Variants in SLC45A4 observed in about 807,000 individuals in gnomAD.
The protein encoded by SLC45A4 is polyamine-transporter SLC45A4.
SLC45A4 carries 32 observed loss-of-function variants against 63.7 expected under a neutral mutation model. That is an observed-to-expected ratio of 0.50 (90% confidence interval 0.38 to 0.67). SLC45A4 has a LOEUF of 0.67. SLC45A4 is among the 30% of genes least tolerant of loss of function. The pLI is 0.00. For synonymous variants in SLC45A4, 535 were observed against 510.0 expected, an observed-to-expected ratio of 1.05 and a Z score of -0.66; for missense variants, 1,027 against 1,157.7, an observed-to-expected ratio of 0.89 and a Z score of 1.64.
intron 2 of SLC45A4, among the ~76,000 whole-genome samples, chr8:141,232,684 C>T (rs1256042369): frequency 1.3e-5 from 2 of 149,968 alleles, no homozygotes; most frequent in African/African-American, 4.9e-5. Flanking sequence ...CCCAGGTGAG[C>T]GCTCACCAGC....
In SLC45A4 at chr8:141,208,755, G is replaced by C. The variant is rs557877087; in HGVS notation, c.*2817C>G. ...AAGGGGACACAGGCAGGCCGGCCCA[G>C]CTGAGAGCTCACGGCCTCTGCCCCT... On this transcript the variant is annotated 3_prime_UTR_variant, in exon 9 of 9. Coordinates refer to ENST00000517878, the MANE Select transcript of SLC45A4 (RefSeq NM_001286646.2). 1 of 152,374 alleles carries C rather than the reference G, an allele frequency of 6.6e-6. No homozygotes were observed. Among genetic ancestry groups the C allele is most frequent in the East Asian group, 1.9e-4 (1 of 5,176 alleles). The allele number at this position is 152,374 out of a possible 1,614,324, so 9.4% of individuals were successfully genotyped here.
chr8:141,253,932 C>G, intron 2 of SLC45A4, 57 bp downstream of exon 2: 1 of 1,525,082 alleles, frequency 6.6e-7, no homozygotes, highest in Admixed American at 2.0e-5. Context: ...AGAGCCACGC[C>G]CAGTCCGCTA....
At chr8:141,241,277 G>T (rs188025165) in intron 2 of SLC45A4, among the ~76,000 whole-genome samples, 4 of 152,262 alleles carry the variant, frequency 2.6e-5, no homozygotes, top group African/African-American at 9.6e-5. Context: ...CACCGGCAAC[G>T]TGGTGGACAC....
chr8:141,245,609 C>G (rs573282529), intron 2 of SLC45A4, among the ~76,000 whole-genome samples: 55 of 152,254 alleles, frequency 3.6e-4, no homozygotes, highest in Non-Finnish European at 6.3e-4. Flanking sequence ...ACACCAAAGT[C>G]ACCTGATGGC....
chr8:141,261,819 A>C (rs1454725308), intron 1 of SLC45A4, among the ~76,000 whole-genome samples: 1 of 152,256 alleles, frequency 6.6e-6, no homozygotes. Context: ...TATAGATTCA[A>C]TGCCATCCCC....
intron 1 of SLC45A4, among the ~76,000 whole-genome samples, chr8:141,282,442 A>C (rs1829988891): frequency 6.6e-6 from 1 of 152,064 alleles, no homozygotes; most frequent in African/African-American, 2.4e-5. Flanking sequence ...CCTCCACCAA[A>C]CTGCACTTCT....
At position 141,218,674 on chromosome 8, in the gene SLC45A4, G is replaced by C. The variant is rs144027256; in HGVS notation, c.966C>G (p.Pro322=). The C allele has an allele frequency of 6.2e-7, 1 of 1,613,054 alleles. No homozygotes were observed. Among genetic ancestry groups the C allele is most frequent in the South Asian group, 1.1e-5 (1 of 91,052 alleles). Residue 322 remains proline (P), a synonymous_variant, in exon 5 of 9, where the codon CCC becomes CCG. Coordinates refer to ENST00000517878, the MANE Select transcript of SLC45A4 (RefSeq NM_001286646.2). ...CGATGTCGTGCAGGAACAGCAGCTC[G>C]GGCTCCAGGTCCAGCGCGGTGTCCG... ...HVPDTALDLE[P]ELLFLHDIEP... is the part of the protein sequence containing the mutation.
chr8:141,255,067 G>A (rs1385991274), intron 1 of SLC45A4, among the ~76,000 whole-genome samples: 1 of 152,158 alleles, frequency 6.6e-6, no homozygotes, highest in Non-Finnish European at 1.5e-5. Flanking sequence ...AGGCAAAAGA[G>A]AATCAAAAGG....
chr8:141,213,698 C>T (rs568697990), intron 7 of SLC45A4, among the ~76,000 whole-genome samples: 5 of 152,310 alleles, frequency 3.3e-5, no homozygotes, highest in South Asian at 2.1e-4. Flanking sequence ...GCAGTGAACG[C>T]GCAAGCACGC....
intron 2 of SLC45A4, among the ~76,000 whole-genome samples, chr8:141,233,693 C>T (rs1179317758): frequency 3.4e-5 from 5 of 147,358 alleles, no homozygotes; most frequent in Non-Finnish European, 7.4e-5. Context: ...TCACAATAAA[C>T]AAATAAATAA....
chr8:141,258,908 C>A lies in SLC45A4; in HGVS notation c.-400-4279G>T, dbSNP rs867799565. On this transcript the variant is annotated intron_variant, in intron 1 of 8. Coordinates refer to ENST00000517878, the MANE Select transcript of SLC45A4 (RefSeq NM_001286646.2). The stretch of plus-strand genomic sequence containing the variant: ...CTCTTTTTTTTAAAAAAAAAAAAAA[C>A]AGACTCTAAAACAAGATGTCTTTTT... 2.6e-3 allele frequency among the ~76,000 whole-genome samples: 327 copies of A among 127,634 alleles called. 3 individuals carry two copies. Among genetic ancestry groups the A allele is most frequent in the African/African-American group, 8.9e-3 (317 of 35,668 alleles). 83.7% of individuals were successfully genotyped at this position (127,634 alleles called of 152,430 possible). A position where few individuals can be genotyped will look rare whatever the true frequency, so the allele number is the denominator to read the frequency against.
intron 2 of SLC45A4, chr8:141,224,379 T>C (rs1365171994): frequency 3.9e-5 from 6 of 152,258 alleles, no homozygotes; most frequent in Non-Finnish European, 8.8e-5. Context: ...ATTTGTAGAT[T>C]TATACGTTTC....
chr8:141,212,134 C>T lies in SLC45A4; in HGVS notation c.2301+63G>A, dbSNP rs554408312. The T allele has an allele frequency of 1.8e-3, 2,082 of 1,167,798 alleles. 4 individuals are homozygous for T. The highest frequency in any genetic ancestry group is 2.1e-3 in the Non-Finnish European group (2,005 of 940,696). 72.3% of individuals were successfully genotyped at this position (1,167,798 alleles called of 1,614,324 possible). On this transcript the variant is annotated intron_variant, in intron 8 of 8. Transcript: ENST00000517878. Reference sequence around the variant, plus strand: ...TCTGCTCCCGCCCATGGCCTGGCCCCGCCGCCCGCCCGCCCGCCCACCCGC... The same window carrying T: ...TCTGCTCCCGCCCATGGCCTGGCCCTGCCGCCCGCCCGCCCGCCCACCCGC...
At position 141,229,320 on chromosome 8, in the gene SLC45A4, A is replaced by G. The variant is rs1827213563; in HGVS notation, c.242-7555T>C. Among the ~76,000 whole-genome samples, 1 of 151,818 alleles carries G rather than the reference A, an allele frequency of 6.6e-6. No homozygotes were observed. Among genetic ancestry groups the G allele is most frequent in the Non-Finnish European group, 1.5e-5 (1 of 67,968 alleles). Reference sequence around the variant, plus strand: ...GTCCTGCCTCATGCCTGCAGCCCACAACACCCTACCCTACCCACTGGCTGG... The same window carrying G: ...GTCCTGCCTCATGCCTGCAGCCCACGACACCCTACCCTACCCACTGGCTGG... On this transcript the variant is annotated intron_variant, in intron 2 of 8. Coordinates refer to ENST00000517878, the MANE Select transcript of SLC45A4 (RefSeq NM_001286646.2). The surrounding 1 kb of genome is among the most constrained non-coding windows in gnomAD (Gnocchi z 5.0).
intron 1 of SLC45A4, among the ~76,000 whole-genome samples, chr8:141,284,499 G>T (rs998730702): frequency 3.3e-5 from 5 of 152,142 alleles, no homozygotes; most frequent in African/African-American, 1.2e-4. Flanking sequence ...CAGGAGGGCC[G>T]CTGAAAACAG....
intron 1 of SLC45A4, among the ~76,000 whole-genome samples, chr8:141,300,487 C>T (rs1377149948): frequency 5.9e-5 from 9 of 152,254 alleles, no homozygotes. Context: ...CAAGTGTCAA[C>T]GCCCCGGACC....
intron 2 of SLC45A4, among the ~76,000 whole-genome samples, chr8:141,235,535 T>C (rs1375993415): frequency 6.6e-6 from 1 of 152,130 alleles, no homozygotes; most frequent in Non-Finnish European, 1.5e-5. Context: ...ACTGGTGAAT[T>C]ATCCGAAGAA....
intron 1 of SLC45A4, among the ~76,000 whole-genome samples, chr8:141,300,882 T>A (rs1412770060): frequency 1.3e-5 from 2 of 152,222 alleles, no homozygotes; most frequent in African/African-American, 4.8e-5. Flanking sequence ...TAGTAAAGCT[T>A]AACATGGAGC....
chr8:141,269,482 G>C (rs116572644), intron 1 of SLC45A4, among the ~76,000 whole-genome samples: 8,257 of 151,742 alleles, frequency 0.054, 767 homozygotes, highest in African/African-American at 0.19. Context: ...GTGTGTGTGT[G>C]TGTGTGTGAT....
Sources: allele counts gnomAD v4.1 joint callset (sites outside exome capture counted in the v4.1 genomes callset), GRCh38; gene constraint gnomAD v4.1.1; non-coding constraint Gnocchi (gnomAD v3.1); transcripts MANE v1.5; gene names NCBI Gene and HGNC (gene_info 2026-07-23, HGNC 2026-07-21).